Variants in CLCNKB observed in about 807,000 individuals in gnomAD.
The protein encoded by CLCNKB is chloride voltage-gated channel Kb, also known as chloride channel protein ClC-Kb.
In CLCNKB, 74 loss-of-function variants were observed where a neutral mutation model predicts 83.8. The observed-to-expected ratio is 0.88, with a 90% CI of 0.73 to 1.07. The LOEUF (loss-of-function observed/expected upper bound fraction) is 1.07. Among genes scored for constraint, CLCNKB ranks in the 50% least tolerant of loss-of-function variants. The pLI, the probability that CLCNKB is intolerant of heterozygous loss-of-function variation, is 0.00. For synonymous variants in CLCNKB, 358 were observed against 356.6 expected (o/e 1.00, Z -0.04); for missense variants, 798 against 893.6 (o/e 0.89, Z 1.36).
At chr1:16,044,400 G>A in intron 1 of CLCNKB, 86 bp from the exon 2 acceptor site, 1 of 946,642 alleles carries the variant, frequency 1.1e-6, no homozygotes, top group Non-Finnish European at 1.6e-6. Flanking sequence ...CCTCTTCATG[G>A]GTGGGGAGAG....
intron 3 of CLCNKB, among the ~76,000 whole-genome samples, 191 bp from the exon 4 acceptor site, chr1:16,046,344 G>A (rs1353760819): frequency 6.6e-6 from 1 of 152,178 alleles, no homozygotes; most frequent in Non-Finnish European, 1.5e-5. Context: ...CACTCAGCTA[G>A]GCAGTGGTAA....
rs533141046 is a variant in CLCNKB at position 16,053,566 on chromosome 1, C to G, written c.1623-73C>G. 35 of 1,610,262 alleles carry G rather than the reference C, an allele frequency of 2.2e-5. No individual in the cohort carries two copies. In the East Asian group the frequency reaches 7.4e-4, roughly 34 times the overall value. On this transcript the variant is annotated intron_variant, in intron 15 of 19. Coordinates refer to ENST00000375679, the MANE Select transcript of CLCNKB (RefSeq NM_000085.5). ...GGGTCCCCGGTTCAAGCAAAGCTCC[C>G]CACAGATCCCCCTGCCAGCCTGGGT...
At chr1:16,052,744 T>C (rs2023334899) in intron 15 of CLCNKB, among the ~76,000 whole-genome samples, 1 of 151,788 alleles carries the variant, frequency 6.6e-6, no homozygotes, top group Non-Finnish European at 1.5e-5. Flanking sequence ...ATCCGAGAGG[T>C]CTCCTCCCCT....
intron 15 of CLCNKB, among the ~76,000 whole-genome samples, chr1:16,053,208 A>G (rs1200316594): frequency 6.6e-6 from 1 of 152,106 alleles, no homozygotes; most frequent in Non-Finnish European, 1.5e-5. Flanking sequence ...TTGTAATTTT[A>G]GTGGAGACGG....
intron 11 of CLCNKB, 77 bp downstream of exon 11, chr1:16,050,677 CCCCCAATA>C: frequency 6.6e-7 from 1 of 1,512,082 alleles, no homozygotes; most frequent in Non-Finnish European, 9.1e-7. Flanking sequence ...TCACTTAATC[CCCCCAATA>C]CCCCATAAGG....
rs1343204451 is a variant in CLCNKB at position 16,045,617 on chromosome 1, A to G, written c.160A>G (p.Met54Val). 1.1e-5 allele frequency: 17 copies of G among 1,613,910 alleles called. 1 individual carries two copies. The highest frequency in any genetic ancestry group is 2.2e-5 in the South Asian group (2 of 91,082). Residue 54 changes from methionine (M) to valine (V), a missense_variant, in exon 3 of 20, where the codon ATG becomes GTG. Coordinates refer to ENST00000375679, the MANE Select transcript of CLCNKB (RefSeq NM_000085.5). ...FRLGEDWYFL[M>V]TLGVLMALVS... ...CCTGGGCGAGGACTGGTACTTCCTG[A>G]TGACCCTCGGGGTGCTCATGGCCCT...
At chr1:16,046,779 G>A (rs552199269) in intron 4 of CLCNKB, 116 bp downstream of exon 4, 1 of 1,402,058 alleles carries the variant, frequency 7.1e-7, no homozygotes, top group Non-Finnish European at 1.0e-6. Context: ...GAGTCATGTG[G>A]CTTGCCCAAA....
rs761004536 is a variant in CLCNKB, at chr1:16,055,692, C to G, written c.1863C>G (p.Ile621Met). 4 of 1,613,852 alleles carry G rather than the reference C, an allele frequency of 2.5e-6. No individual in the cohort carries two copies. Among genetic ancestry groups the G allele is most frequent in the Non-Finnish European group, 2.5e-6 (3 of 1,180,012 alleles). ...APGHQQCLQD[I>M]LAAGCPTEPV... ...ACCCCCAGCAGTGTCTCCAGGACATCTTGGCTGCAGGCTGCCCCACAGAAC... is the reference window on the plus strand; with the variant it reads ...ACCCCCAGCAGTGTCTCCAGGACATGTTGGCTGCAGGCTGCCCCACAGAAC... The change falls in exon 18 of 20, where the codon ATC (isoleucine) becomes ATG (methionine). Residue 621 changes from isoleucine (I) to methionine (M), a missense_variant. Coordinates refer to ENST00000375679, the MANE Select transcript of CLCNKB (RefSeq NM_000085.5).
chr1:16,051,947 T>TG (rs1350235289), intron 14 of CLCNKB, 127 bp downstream of exon 14: 1 of 869,980 alleles, frequency 1.1e-6, no homozygotes, highest in Non-Finnish European at 1.9e-6. Context: ...CTACCCCTCA[T>TG]GGGGGTCTGT....
chr1:16,046,918 C>T (rs545044657), intron 4 of CLCNKB, among the ~76,000 whole-genome samples: 1 of 152,280 alleles, frequency 6.6e-6, no homozygotes, highest in Admixed American at 6.5e-5. Context: ...TTCCAGTGGC[C>T]AGTGCCAGGG....
chr1:16,046,521 C>T lies in CLCNKB; in HGVS notation c.230-14C>T, dbSNP rs370343548. The T allele has an allele frequency of 1.9e-6, 3 of 1,613,524 alleles. No individual in the cohort carries two copies. Among genetic ancestry groups the T allele is most frequent in the Non-Finnish European group, 2.5e-6 (3 of 1,180,012 alleles). ...GAGGCTGTGGGTGCCTCCCTGATAC[C>T]CGGCTGTCCCCAGCGCACCAGTGGC... On this transcript the variant is annotated splice_polypyrimidine_tract_variant and intron_variant, in intron 3 of 19. Coordinates refer to ENST00000375679, the MANE Select transcript of CLCNKB (RefSeq NM_000085.5).
rs2023309289 is a variant in CLCNKB at position 16,051,957 on chromosome 1, T to C, written c.1408+137T>C. On this transcript the variant is annotated intron_variant, in intron 14 of 19. Coordinates refer to ENST00000375679, the MANE Select transcript of CLCNKB (RefSeq NM_000085.5). ...ACCCCCTACCCCTCATGGGGGTCTG[T>C]CCCTCCTGAGCCCCACCATTCCCCG... 5.9e-6 allele frequency: 5 copies of C among 853,462 alleles called. No homozygotes were observed. In the Admixed American group the frequency reaches 1.0e-4, roughly 17 times the overall value. The allele number at this position is 853,462 out of a possible 1,614,324, so 52.9% of individuals were successfully genotyped here. A position where few individuals can be genotyped will look rare whatever the true frequency, so the allele number is the denominator to read the frequency against.
chr1:16,053,398 G>T (rs1021353300), intron 15 of CLCNKB, among the ~76,000 whole-genome samples: 1 of 152,096 alleles, frequency 6.6e-6, no homozygotes, highest in African/African-American at 2.4e-5. Context: ...AGTGGAGCTG[G>T]TCTGGGGGAC....
In CLCNKB at chr1:16,050,613, G is replaced by C. The variant is rs35480349; in HGVS notation, c.1053+13G>C. On this transcript the variant is annotated intron_variant, in intron 11 of 19. Coordinates refer to ENST00000375679, the MANE Select transcript of CLCNKB (RefSeq NM_000085.5). ...CCTAGCTTCTCGGGTAAGGGGCCTT[G>C]AGTGGGGTGGCAGGAGTGGGGAAGC... 371,427 of 1,612,578 alleles carry C rather than the reference G, an allele frequency of 0.23. 46,507 individuals are homozygous for C. Among genetic ancestry groups the C allele is most frequent in the Admixed American group, 0.33 (20,050 of 59,990 alleles).
chr1:16,048,902 G>T (rs1050159789), intron 7 of CLCNKB: 14 of 1,447,772 alleles, frequency 9.7e-6, no homozygotes, highest in African/African-American at 2.9e-5. Flanking sequence ...ACCCGATAGC[G>T]AGAGGGCGCA....
chr1:16,044,421 G>T, intron 1 of CLCNKB, 65 bp from the exon 2 acceptor site: 5 of 1,316,398 alleles, frequency 3.8e-6, no homozygotes. Context: ...CACTGGAAGG[G>T]CCTAGAGGCA....
chr1:16,050,978 A>T lies in CLCNKB; in HGVS notation c.1157A>T (p.His386Leu), dbSNP rs1318776257. The change falls in exon 12 of 20, where the codon CAC becomes CTC. Residue 386 changes from histidine (H) to leucine (L), a missense_variant. Transcript: ENST00000375679. Reference sequence around the variant, plus strand: ...TGGCCCGAGGAGCTCGACCCCCAGCACCTGTGGTGGGAATGGTACCACCCG... The same window carrying T: ...TGGCCCGAGGAGCTCGACCCCCAGCTCCTGTGGTGGGAATGGTACCACCCG... ...PPWPEELDPQ[H>L]LWWEWYHPRF... 1 of 1,613,962 alleles carries T rather than the reference A, an allele frequency of 6.2e-7. No individual in the cohort carries two copies.
rs2023475022 is a variant in CLCNKB at position 16,057,136 on chromosome 1, G to A, written c.*220G>A. The stretch of plus-strand genomic sequence containing the variant: ...AGACAAAAATCCCACCTTGGGCAGA[G>A]CTGAGTGTGAGAAGATGGAAAACCA... On this transcript the variant is annotated 3_prime_UTR_variant, in exon 20 of 20. Coordinates refer to ENST00000375679, the MANE Select transcript of CLCNKB (RefSeq NM_000085.5). 13 of 688,916 alleles carry A rather than the reference G, an allele frequency of 1.9e-5. No homozygotes were observed. The highest frequency in any genetic ancestry group is 3.5e-5 in the Non-Finnish European group (13 of 370,418). 42.7% of individuals were successfully genotyped at this position (688,916 alleles called of 1,614,324 possible). A position where few individuals can be genotyped will look rare whatever the true frequency, so the allele number is the denominator to read the frequency against.
At chr1:16,048,272 C>T (rs995729297) in intron 5 of CLCNKB, 71 bp from the exon 6 acceptor site, 11 of 1,579,024 alleles carry the variant, frequency 7.0e-6, no homozygotes, top group African/African-American at 1.4e-5. Flanking sequence ...TGGGGGGAAG[C>T]CGTGCTGACT....
Sources: allele counts gnomAD v4.1 joint callset (sites outside exome capture counted in the v4.1 genomes callset), GRCh38; gene constraint gnomAD v4.1.1; transcripts MANE v1.5; gene names NCBI Gene and HGNC (gene_info 2026-07-23, HGNC 2026-07-21).